CBX1: variants seen among roughly 807,000 people sequenced by gnomAD.
CBX1 encodes the protein chromobox 1, also known as chromobox protein homolog 1.
In CBX1, 10 loss-of-function variants were observed where a neutral mutation model predicts 25.1. That is an observed-to-expected ratio of 0.40 (90% CI 0.25 to 0.68). The LOEUF is 0.68. Ranked by LOEUF, CBX1 falls within the 30% of genes least tolerant of loss-of-function variation. The pLI, the probability that CBX1 is intolerant of heterozygous loss-of-function variation, is 0.40. For missense variants in CBX1, 106 were observed against 218.5 expected (o/e 0.49, Z 3.25); for synonymous variants, 63 against 79.4 (o/e 0.79, Z 1.10).
At chr17:48,097,230 G>C (rs1567771127) in intron 1 of CBX1, among the ~76,000 whole-genome samples, 1 of 151,744 alleles carries the variant, frequency 6.6e-6, no homozygotes, top group Non-Finnish European at 1.5e-5. Flanking sequence ...CTCCAGCCTG[G>C]GCAACAAGAG....
At chr17:48,082,927 C>T (rs1450517352) in intron 1 of CBX1, among the ~76,000 whole-genome samples, 3 of 146,394 alleles carry the variant, frequency 2.0e-5, no homozygotes, top group Non-Finnish European at 3.0e-5. Flanking sequence ...AGTGCAACAA[C>T]GCGATCTCAG....
chr17:48,080,331 C>G (rs2037718329), intron 1 of CBX1, among the ~76,000 whole-genome samples: 1 of 152,076 alleles, frequency 6.6e-6, no homozygotes, highest in African/African-American at 2.4e-5. Context: ...AGCTACCGTG[C>G]CCGGACCCAA....
At chr17:48,084,198 T>C (rs1414326815) in intron 1 of CBX1, among the ~76,000 whole-genome samples, 1 of 132,758 alleles carries the variant, frequency 7.5e-6, no homozygotes, top group Non-Finnish European at 1.5e-5. Context: ...CTTCTCTTTC[T>C]TTCCTTTTTT....
chr17:48,095,415 C>A (rs1188747723), intron 1 of CBX1, among the ~76,000 whole-genome samples: 2 of 152,076 alleles, frequency 1.3e-5, no homozygotes, highest in African/African-American at 2.4e-5. Flanking sequence ...CATGGAGAAA[C>A]CCCATCTCTA....
intron 1 of CBX1, among the ~76,000 whole-genome samples, chr17:48,099,396 G>A (rs1032232939): frequency 1.2e-4 from 18 of 147,286 alleles, no homozygotes; most frequent in African/African-American, 4.7e-4. Context: ...GAGCCACTGC[G>A]CCCGACCCTA....
At chr17:48,094,637 C>T (rs1466934830) in intron 1 of CBX1, among the ~76,000 whole-genome samples, 1 of 145,088 alleles carries the variant, frequency 6.9e-6, no homozygotes, top group Non-Finnish European at 1.5e-5. Context: ...AGCTGAGGCA[C>T]GATAATTGCT....
intron 2 of CBX1, 117 bp downstream of exon 2, chr17:48,076,748 G>C (rs1885388785): frequency 1.2e-6 from 1 of 835,606 alleles, no homozygotes; most frequent in African/African-American, 1.7e-5. Context: ...TAAACAATAA[G>C]CCATGAAGGT....
intron 1 of CBX1, among the ~76,000 whole-genome samples, chr17:48,093,917 C>T (rs1598316065): frequency 6.6e-6 from 1 of 151,718 alleles, no homozygotes; most frequent in South Asian, 2.1e-4. Flanking sequence ...GTCAGGAGTT[C>T]GAGACCAGCC....
intron 1 of CBX1, among the ~76,000 whole-genome samples, chr17:48,092,710 C>T (rs1240498897): frequency 6.6e-6 from 1 of 151,924 alleles, no homozygotes; most frequent in Non-Finnish European, 1.5e-5. Flanking sequence ...CCTCAGACTC[C>T]CAAAGTGCTG....
At chr17:48,098,655 G>A (rs532939656) in intron 1 of CBX1, among the ~76,000 whole-genome samples, 3 of 152,178 alleles carry the variant, frequency 2.0e-5, no homozygotes, top group East Asian at 3.9e-4. Context: ...GCACCACCAC[G>A]CCCAGCTAAT....
At chr17:48,096,085 G>A (rs1299510171) in intron 1 of CBX1, among the ~76,000 whole-genome samples, 1 of 152,104 alleles carries the variant, frequency 6.6e-6, no homozygotes, top group East Asian at 1.9e-4. Flanking sequence ...TCTCCATGTT[G>A]GTCAGGCTGG....
At position 48,070,228 on chromosome 17, in the gene CBX1, G is replaced by C. The variant is rs531892609; in HGVS notation, c.*1207C>G. On this transcript the variant is annotated 3_prime_UTR_variant, in exon 5 of 5. Transcript: ENST00000225603. The stretch of plus-strand genomic sequence containing the variant: ...CTGATGGTTCTCATGACTCAAGACA[G>C]AGCATTTTGGGTATGTTACTTATTA... 2 of 152,704 alleles carry C rather than the reference G, an allele frequency of 1.3e-5. No homozygotes were observed. Among genetic ancestry groups the C allele is most frequent in the East Asian group, 1.9e-4 (1 of 5,194 alleles). The allele number at this position is 152,704 out of a possible 1,614,324, so 9.5% of individuals were successfully genotyped here. A position where few individuals can be genotyped will look rare whatever the true frequency, so the allele number is the denominator to read the frequency against.
At chr17:48,072,690 G>C (rs1403830768) in intron 4 of CBX1, among the ~76,000 whole-genome samples, 4 of 151,906 alleles carry the variant, frequency 2.6e-5, no homozygotes, top group Admixed American at 6.6e-5. Context: ...GGCTGAGGCA[G>C]GAGAATGGCG....
intron 1 of CBX1, among the ~76,000 whole-genome samples, chr17:48,079,352 C>CGT (rs2037710107): frequency 1.3e-5 from 2 of 151,956 alleles, no homozygotes; most frequent in African/African-American, 4.8e-5. Context: ...GTGATCCACC[C>CGT]GCCATGGCCT....
intron 1 of CBX1, among the ~76,000 whole-genome samples, chr17:48,077,469 G>C (rs917702474): frequency 3.4e-5 from 3 of 88,916 alleles, no homozygotes; most frequent in Non-Finnish European, 6.2e-5. Context: ...TTTTTTTTTA[G>C]TAGAGACGGG....
intron 1 of CBX1, among the ~76,000 whole-genome samples, chr17:48,091,448 A>G (rs1223866470): frequency 6.7e-6 from 1 of 148,518 alleles, no homozygotes; most frequent in East Asian, 2.0e-4. Context: ...ATATCGGCTC[A>G]CTTTAGAACT....
At chr17:48,080,177 C>T (rs2037716952) in intron 1 of CBX1, among the ~76,000 whole-genome samples, 1 of 152,110 alleles carries the variant, frequency 6.6e-6, no homozygotes. Context: ...GCTAGGACTA[C>T]AGGCACCTGC....
At chr17:48,087,188 C>CA (rs71141963) in intron 1 of CBX1, among the ~76,000 whole-genome samples, 40 of 143,946 alleles carry the variant, frequency 2.8e-4, no homozygotes, top group African/African-American at 5.4e-4. Context: ...GACGCCATCT[C>CA]AAAAAAAAAA....
At chr17:48,089,542 G>T in intron 1 of CBX1, among the ~76,000 whole-genome samples, 1 of 150,960 alleles carries the variant, frequency 6.6e-6, no homozygotes, top group Non-Finnish European at 1.5e-5. Context: ...CAGTTCTCGG[G>T]GCCCAGCACG....
Sources: gnomAD v4.1 joint callset for allele counts (sites outside exome capture counted in the v4.1 genomes callset) on GRCh38, gnomAD v4.1.1 for gene constraint, MANE v1.5 for transcripts, NCBI Gene and HGNC (gene_info 2026-07-23, HGNC 2026-07-21) for gene names.